KBTBD2: variants seen among roughly 807,000 people sequenced by gnomAD.
KBTBD2 encodes kelch repeat and BTB domain-containing protein 2.
A neutral mutation model predicts 57.1 loss-of-function variants in KBTBD2; 17 were observed. The observed-to-expected ratio is 0.30, with a 90% confidence interval of 0.20 to 0.45. KBTBD2 has a LOEUF of 0.45. Ranked by LOEUF, KBTBD2 falls within the 20% of genes least tolerant of loss-of-function variation. The pLI, the probability that KBTBD2 is intolerant of heterozygous loss-of-function variation, is 1.00. For missense variants in KBTBD2, 515 were observed against 750.6 expected, an observed-to-expected ratio of 0.69 and a Z score of 3.67; for synonymous variants, 267 against 262.7, an observed-to-expected ratio of 1.02 and a Z score of -0.16.
intron 1 of KBTBD2, among the ~76,000 whole-genome samples, chr7:32,886,209 C>T (rs1263578525): frequency 2.0e-5 from 3 of 152,180 alleles, no homozygotes; most frequent in African/African-American, 7.2e-5. Flanking sequence ...CACGTCCGGC[C>T]TCTACCCACT....
chr7:32,879,385 A>G, intron 2 of KBTBD2, 50 bp downstream of exon 2: 2 of 1,397,932 alleles, frequency 1.4e-6, no homozygotes, highest in Non-Finnish European at 1.9e-6. Flanking sequence ...TTTTTAAAAA[A>G]TTAAATAACA....
At position 32,869,413 on chromosome 7, in the gene KBTBD2, G is replaced by C. The variant is rs750941086; in HGVS notation, c.1804C>G (p.Leu602Val). 3.7e-6 allele frequency: 6 copies of C among 1,614,060 alleles called. No individual in the cohort carries two copies. Among genetic ancestry groups the C allele is most frequent in the Middle Eastern group, 1.6e-4 (1 of 6,062 alleles). ...TCTTCTGTCCCATCCGTTGAAAAAAGATAAGTTGGTGGTTTCCATGGAGAC... is the reference window on the plus strand; with the variant it reads ...TCTTCTGTCCCATCCGTTGAAAAAACATAAGTTGGTGGTTTCCATGGAGAC... ...EESPWKPPTY[L>V]FSTDGTEEFE... Residue 602 changes from leucine (L) to valine (V), a missense_variant, in exon 4 of 4, where the codon CTT becomes GTT. Physicochemically the swap from Leu to Val is conservative, Grantham distance 32. Coordinates refer to ENST00000304056, the MANE Select transcript of KBTBD2 (RefSeq NM_015483.3).
At chr7:32,889,865 C>T in intron 1 of KBTBD2, among the ~76,000 whole-genome samples, 1 of 152,176 alleles carries the variant, frequency 6.6e-6, no homozygotes. Flanking sequence ...GCTTTTAAGA[C>T]TGCATTCAAG....
At chr7:32,879,011 TAAAGA>T (rs1394671061) in intron 2 of KBTBD2, among the ~76,000 whole-genome samples, 1 of 152,202 alleles carries the variant, frequency 6.6e-6, no homozygotes, top group Non-Finnish European at 1.5e-5. Flanking sequence ...ATATATTTTG[TAAAGA>T]AAAGTCTTAA....
chr7:32,873,795 C>A (rs1205897665), intron 3 of KBTBD2, among the ~76,000 whole-genome samples: 1 of 152,098 alleles, frequency 6.6e-6, no homozygotes, highest in Non-Finnish European at 1.5e-5. Context: ...GTAAAACACA[C>A]GAAACCAGTA....
intron 1 of KBTBD2, among the ~76,000 whole-genome samples, chr7:32,884,978 A>ATATATATATACACATATATGTGTG (rs1562537476): frequency 4.0e-5 from 5 of 126,234 alleles, no homozygotes; most frequent in Non-Finnish European, 7.9e-5. Flanking sequence ...ATGTGTGTGT[A>ATATATATATACACATATATGTGTG]TATATATATA....
Position 32,868,533 on chromosome 7 carries a change from C to A in KBTBD2, c.*812G>T, listed in dbSNP as rs986187692. On this transcript the variant is annotated 3_prime_UTR_variant, in exon 4 of 4. Coordinates refer to ENST00000304056, the MANE Select transcript of KBTBD2 (RefSeq NM_015483.3). ...ATGACCTGGTTAACCCACTCTAAATCTTGAAGATGGAGAACTACATCAGCA... is the reference window on the plus strand; with the variant it reads ...ATGACCTGGTTAACCCACTCTAAATATTGAAGATGGAGAACTACATCAGCA... 3 of 152,574 alleles carry A rather than the reference C, an allele frequency of 2.0e-5. No individual in the cohort carries two copies. Among genetic ancestry groups the A allele is most frequent in the African/African-American group, 7.2e-5 (3 of 41,418 alleles). The allele number at this position is 152,574 out of a possible 1,614,324, so 9.5% of individuals were successfully genotyped here. A position where few individuals can be genotyped will look rare whatever the true frequency, so the allele number is the denominator to read the frequency against.
intron 1 of KBTBD2, among the ~76,000 whole-genome samples, chr7:32,885,004 A>ATATATATATATACACATATATGTG (rs1562537563): frequency 3.8e-4 from 26 of 68,940 alleles, no homozygotes; most frequent in East Asian, 1.5e-3. Context: ...ATATATGTGT[A>ATATATATATATACACATATATGTG]TATATATATA....
chr7:32,879,015 GAA>G (rs1401888678), intron 2 of KBTBD2, among the ~76,000 whole-genome samples: 3 of 152,234 alleles, frequency 2.0e-5, no homozygotes, highest in African/African-American at 7.2e-5. Flanking sequence ...ATTTTGTAAA[GAA>G]AAGTCTTAAC....
In KBTBD2 at chr7:32,875,156, C is replaced by T. The variant is rs1784281382; in HGVS notation, c.172G>A (p.Ala58Thr). Residue 58 changes from alanine (A) to threonine (T), a missense_variant and splice_region_variant, in exon 3 of 4, where the codon GCC becomes ACC. Physicochemically the swap from Ala to Thr is moderately conservative, Grantham distance 58 (BLOSUM62 0). Transcript: ENST00000304056. ...TCACTTAGTCCACTCATAAACATGG[C>T]CCTACAGGGGAGATGAAGAAAACAA... ...VLATCSSYFRAMFMSGLSESK... is the reference protein window; with the variant it reads ...VLATCSSYFRTMFMSGLSESK... 6.2e-7 allele frequency: 1 copy of T among 1,613,610 alleles called. No individual in the cohort carries two copies. Among genetic ancestry groups the T allele is most frequent in the Non-Finnish European group, 8.5e-7 (1 of 1,179,742 alleles).
intron 1 of KBTBD2, among the ~76,000 whole-genome samples, chr7:32,886,202 G>A (rs1336237049): frequency 2.6e-5 from 4 of 152,094 alleles, no homozygotes; most frequent in African/African-American, 7.2e-5. Flanking sequence ...GAGCCACCAC[G>A]TCCGGCCTCT....
intron 1 of KBTBD2, among the ~76,000 whole-genome samples, chr7:32,883,886 A>G (rs1784502789): frequency 6.6e-6 from 1 of 152,258 alleles, no homozygotes; most frequent in Non-Finnish European, 1.5e-5. Context: ...GCTGTCATTC[A>G]AAAACATGGT....
upstream of KBTBD2, chr7:32,891,923 CCCCGCCCGCGGCCCGGGAA>C: frequency 7.8e-6 from 1 of 128,120 alleles, no homozygotes; most frequent in Non-Finnish European, 1.7e-5. Context: ...GCGCTCTCGC[CCCCGCCCGCGGCCCGGGAA>C]CGCGCGCGCA....
chr7:32,889,014 G>A lies in KBTBD2; in HGVS notation c.-339+2522C>T, dbSNP rs549267219. 1.1e-4 allele frequency among the ~76,000 whole-genome samples: 17 copies of A among 152,232 alleles called. 1 individual carries two copies. In the South Asian group the frequency reaches 2.5e-3, roughly 22 times the overall value. On this transcript the variant is annotated intron_variant, in intron 1 of 3. Transcript: ENST00000304056. ...CTCTCACCTCTGCGCAGTGACTTAA[G>A]AAAGCTGGGGAAAAGTGGCCAGGCG...
intron 1 of KBTBD2, chr7:32,891,183 G>T (rs1364785162): frequency 6.6e-6 from 1 of 150,992 alleles, no homozygotes; most frequent in Non-Finnish European, 1.5e-5. Flanking sequence ...CGGTAAGGGC[G>T]GGCGCGAGCC....
At chr7:32,871,687 T>C (rs1410448730) in intron 3 of KBTBD2, among the ~76,000 whole-genome samples, 1 of 152,158 alleles carries the variant, frequency 6.6e-6, no homozygotes, top group African/African-American at 2.4e-5. Context: ...GGGGAAATAA[T>C]AGTTATCTCC....
In KBTBD2 at chr7:32,888,112, A is replaced by G. The variant is rs79061217; in HGVS notation, c.-339+3424T>C. Among the ~76,000 whole-genome samples, 1,285 of 152,362 alleles carry G rather than the reference A, an allele frequency of 8.4e-3. 28 individuals carry two copies. Among genetic ancestry groups the G allele is most frequent in the African/African-American group, 0.03 (1,234 of 41,582 alleles). On this transcript the variant is annotated intron_variant, in intron 1 of 3. Transcript: ENST00000304056. ...TCATTCTGTCTAAATGGTATTTTACATAAGAGAAATCCAATGTTTTCAGAG... is the reference window on the plus strand; with the variant it reads ...TCATTCTGTCTAAATGGTATTTTACGTAAGAGAAATCCAATGTTTTCAGAG...
chr7:32,869,438 C>T lies in KBTBD2; in HGVS notation c.1779G>A (p.Glu593=), dbSNP rs1336055677. 6.2e-7 allele frequency: 1 copy of T among 1,614,110 alleles called. No homozygotes were observed. The highest frequency in any genetic ancestry group is 1.7e-5 in the Admixed American group (1 of 60,002). ...VGKLYPSCLE[E]SPWKPPTYLF... is the part of the protein sequence containing the mutation. Reference sequence around the variant, plus strand: ...GATAAGTTGGTGGTTTCCATGGAGACTCTTCAAGGCAGGATGGATAGAGTT... The same window carrying T: ...GATAAGTTGGTGGTTTCCATGGAGATTCTTCAAGGCAGGATGGATAGAGTT... Residue 593 remains glutamate, a synonymous_variant, in exon 4 of 4, where the codon GAG becomes GAA. Coordinates refer to ENST00000304056, the MANE Select transcript of KBTBD2 (RefSeq NM_015483.3).
At chr7:32,883,081 G>A (rs1446063371) in intron 1 of KBTBD2, among the ~76,000 whole-genome samples, 1 of 150,232 alleles carries the variant, frequency 6.7e-6, no homozygotes, top group African/African-American at 2.5e-5. Flanking sequence ...CTAAAAATGT[G>A]AAAGCTTGGC....
Sources: gnomAD v4.1 joint callset for allele counts (sites outside exome capture counted in the v4.1 genomes callset) on GRCh38, gnomAD v4.1.1 for gene constraint, MANE v1.5 for transcripts, NCBI Gene and HGNC (gene_info 2026-07-23, HGNC 2026-07-21) for gene names.